BCO2: variants seen among roughly 807,000 people sequenced by gnomAD.
The protein encoded by BCO2 is carotenoid-cleaving dioxygenase, mitochondrial.
Under a neutral mutation model 65.8 loss-of-function variants are expected in BCO2, and 56 were observed. The observed-to-expected ratio is 0.85, with a 90% CI of 0.69 to 1.06. BCO2 has a LOEUF of 1.06. Ranked by LOEUF, BCO2 falls within the 50% of genes least tolerant of loss-of-function variation. The probability of loss-of-function intolerance (pLI) is 0.00; values close to 1 mark genes in which losing one functional copy is unlikely to be tolerated. For synonymous variants in BCO2, 233 were observed against 242.3 expected (o/e 0.96, Z 0.36); for missense variants, 675 against 698.5 (o/e 0.97, Z 0.38).
chr11:112,213,131 C>CTTTTTTTTTTTTTTTTTTTT (rs35527541), intron 8 of BCO2, among the ~76,000 whole-genome samples: 1 of 63,064 alleles, frequency 1.6e-5, no homozygotes, highest in African/African-American at 7.5e-5. Context: ...AATTAAATAA[C>CTTTTTTTTTTTTTTTTTTTT]TTTTTTTTTT....
rs1194435331 is a variant in BCO2 at position 112,214,857 on chromosome 11, A to G, written c.1428A>G (p.Lys476=). 2 of 1,614,168 alleles carry G rather than the reference A, an allele frequency of 1.2e-6. No homozygotes were observed. The highest frequency in any genetic ancestry group is 1.7e-6 in the Non-Finnish European group (2 of 1,180,008). The change falls in exon 10 of 12, where the codon AAA becomes AAG. Residue 476 remains lysine (K), a synonymous_variant. Transcript: ENST00000357685. ...PQIYYDRFSG[K]KYHFFYGCGF... is the part of the protein sequence containing the mutation. The stretch of plus-strand genomic sequence containing the variant: ...TCTACTATGATCGATTCAGTGGCAA[A>G]AAGTATCATTTCTTTTATGGCTGTG...
intron 8 of BCO2, 49 bp downstream of exon 8, chr11:112,202,239 A>C: frequency 2.6e-6 from 4 of 1,524,500 alleles, no homozygotes; most frequent in Non-Finnish European, 3.6e-6. Flanking sequence ...TTGAACTCCA[A>C]GATCTGGCTT....
At chr11:112,213,517 C>CT (rs1431639303) in intron 8 of BCO2, among the ~76,000 whole-genome samples, 3 of 152,120 alleles carry the variant, frequency 2.0e-5, no homozygotes, top group Non-Finnish European at 4.4e-5. Context: ...AGGCCAAAGA[C>CT]TTTGCTTTAT....
chr11:112,216,127 C>A, intron 10 of BCO2, 93 bp from the exon 11 acceptor site: 1 of 843,274 alleles, frequency 1.2e-6, no homozygotes, highest in Non-Finnish European at 2.0e-6. Flanking sequence ...CAAACTACAT[C>A]ACAGCCAAAT....
Position 112,217,777 on chromosome 11 carries a change from T to C in BCO2, c.1643T>C (p.Ile548Thr), listed in dbSNP as rs781615098. The change falls in exon 12 of 12, where the codon ATC (isoleucine) becomes ACC (threonine). Residue 548 changes from isoleucine to threonine, a missense_variant. Coordinates refer to ENST00000357685, the MANE Select transcript of BCO2 (RefSeq NM_031938.7). ...CTTTTCTAGAATGAAAGCAATTTTA[T>C]CCTAGTTTTGGATGCCAAGAACTTT... ...ITPNQNESNF[I>T]LVLDAKNFEE... 57 of 1,611,538 alleles carry C rather than the reference T, an allele frequency of 3.5e-5. No individual in the cohort carries two copies. Among genetic ancestry groups the C allele is most frequent in the Non-Finnish European group, 4.8e-5 (56 of 1,178,688 alleles).
intron 8 of BCO2, among the ~76,000 whole-genome samples, chr11:112,209,653 GT>G (rs1466497561): frequency 6.6e-6 from 1 of 151,894 alleles, no homozygotes; most frequent in African/African-American, 2.4e-5. Context: ...TTTATCAACT[GT>G]TTTTTTTCTG....
At chr11:112,182,731 A>G in intron 2 of BCO2, 1 of 519,442 alleles carries the variant, frequency 1.9e-6, no homozygotes, top group Non-Finnish European at 3.4e-6. Flanking sequence ...GAGGGATAGA[A>G]TTAGGAGATA....
chr11:112,193,067 T>A (rs1867446009), intron 2 of BCO2, among the ~76,000 whole-genome samples: 1 of 148,342 alleles, frequency 6.7e-6, no homozygotes, highest in Admixed American at 6.8e-5. Context: ...AATCTCCGCC[T>A]CCCAGGTTCA....
chr11:112,201,962 G>A (rs1867746670), intron 7 of BCO2, 61 bp from the exon 8 acceptor site: 2 of 1,431,994 alleles, frequency 1.4e-6, no homozygotes, highest in Non-Finnish European at 1.9e-6. Context: ...TTTCCTAAAG[G>A]AAAGGGAAAA....
intron 6 of BCO2, 90 bp downstream of exon 6, chr11:112,199,917 T>C: frequency 6.8e-7 from 1 of 1,462,826 alleles, no homozygotes; most frequent in East Asian, 2.3e-5. Flanking sequence ...ATGTTAATAG[T>C]TTATCACGCT....
At chr11:112,197,578 A>G (rs1396791354) in intron 5 of BCO2, among the ~76,000 whole-genome samples, 2 of 151,646 alleles carry the variant, frequency 1.3e-5, no homozygotes, top group East Asian at 1.9e-4. Flanking sequence ...AATTTCAGCA[A>G]TGCCTTCAAA....
chr11:112,184,690 GT>G (rs575212536), intron 2 of BCO2, among the ~76,000 whole-genome samples: 69 of 148,238 alleles, frequency 4.7e-4, no homozygotes, highest in East Asian at 1.8e-3. Context: ...TATATTTTTT[GT>G]TTTTTTTTTA....
rs1859734706 is a variant in BCO2 at position 112,217,957 on chromosome 11, C to T, written c.*83C>T. 1 of 989,936 alleles carries T rather than the reference C, an allele frequency of 1.0e-6. No homozygotes were observed. Among genetic ancestry groups the T allele is most frequent in the Non-Finnish European group, 1.5e-6 (1 of 659,982 alleles). The allele number at this position is 989,936 out of a possible 1,614,324, so 61.3% of individuals were successfully genotyped here. On this transcript the variant is annotated 3_prime_UTR_variant, in exon 12 of 12. Transcript: ENST00000357685. Reference sequence around the variant, plus strand: ...AGACTGGAGAAATAAACACTGAGGACTCCAAAAGGGGGGCAAGGAGGAAGA... The same window carrying T: ...AGACTGGAGAAATAAACACTGAGGATTCCAAAAGGGGGGCAAGGAGGAAGA...
chr11:112,215,910 A>G (rs1859663640), intron 10 of BCO2, among the ~76,000 whole-genome samples: 1 of 152,158 alleles, frequency 6.6e-6, no homozygotes, highest in South Asian at 2.1e-4. Context: ...AGAGAGTAGG[A>G]GCAAGACAGA....
chr11:112,201,969 A>C (rs902616341), intron 7 of BCO2, 54 bp from the exon 8 acceptor site: 1 of 1,462,986 alleles, frequency 6.8e-7, no homozygotes, highest in Non-Finnish European at 9.1e-7. Context: ...AAGGAAAGGG[A>C]AAAAGAAGAA....
chr11:112,204,175 GTGTC>G (rs1251808400), intron 8 of BCO2, among the ~76,000 whole-genome samples: 3 of 152,086 alleles, frequency 2.0e-5, no homozygotes, highest in African/African-American at 4.8e-5. Context: ...TTTTCTTTCT[GTGTC>G]TGGATGTTTC....
intron 1 of BCO2, among the ~76,000 whole-genome samples, chr11:112,178,066 AC>A (rs1866932761): frequency 2.1e-5 from 3 of 146,276 alleles, no homozygotes; most frequent in African/African-American, 5.0e-5. Context: ...CGGCCAACAC[AC>A]CCGGCTATTT....
intron 5 of BCO2, among the ~76,000 whole-genome samples, chr11:112,196,660 A>G (rs188212753): frequency 3.2e-4 from 49 of 152,304 alleles, no homozygotes; most frequent in Admixed American, 1.8e-3. Flanking sequence ...CTCAAAACAT[A>G]TCTATATCCC....
At chr11:112,194,224 G>T (rs1867491843) in intron 4 of BCO2, 1 of 488,920 alleles carries the variant, frequency 2.0e-6, no homozygotes, top group East Asian at 3.6e-5. Flanking sequence ...GAAGGCTAGG[G>T]TAAAGGAGAA....
Sources: allele counts gnomAD v4.1 joint callset (sites outside exome capture counted in the v4.1 genomes callset), GRCh38; gene constraint gnomAD v4.1.1; transcripts MANE v1.5; gene names NCBI Gene and HGNC (gene_info 2026-07-23, HGNC 2026-07-21).